The following LMBR1 variants were observed in gnomAD, a reference collection of about 807,000 sequenced individuals.
The protein encoded by LMBR1 is limb region 1 protein homolog.
LMBR1 carries 52 observed loss-of-function variants against 73.9 expected under a neutral mutation model. That is an observed-to-expected ratio of 0.70 (90% CI 0.56 to 0.89). The LOEUF is 0.89. Ranked by LOEUF, LMBR1 falls within the 40% of genes least tolerant of loss-of-function variation. LMBR1 has a pLI of 0.00. For synonymous variants in LMBR1, 215 were observed against 209.4 expected (o/e 1.03, Z -0.23); for missense variants, 539 against 579.8 (o/e 0.93, Z 0.72).
At chr7:156,697,694 T>TTA (rs565913850) in intron 15 of LMBR1, among the ~76,000 whole-genome samples, 24 of 152,240 alleles carry the variant, frequency 1.6e-4, no homozygotes, top group Non-Finnish European at 2.9e-4. Context: ...CAGTCAGACC[T>TTA]TATGGTTGTC....
chr7:156,673,206 T>G (rs112787889), downstream of LMBR1, among the ~76,000 whole-genome samples: 690 of 152,352 alleles, frequency 4.5e-3, 3 homozygotes, highest in Non-Finnish European at 6.0e-3. Flanking sequence ...GACTAGAATG[T>G]GACCCTTTTT....
intron 15 of LMBR1, among the ~76,000 whole-genome samples, chr7:156,716,712 T>C (rs1216919485): frequency 2.6e-5 from 4 of 152,242 alleles, no homozygotes; most frequent in African/African-American, 4.8e-5. Flanking sequence ...TAGAATCTAC[T>C]TCACAAACAC....
At chr7:156,738,542 G>A (rs555721934) in intron 9 of LMBR1, among the ~76,000 whole-genome samples, 2 of 152,230 alleles carry the variant, frequency 1.3e-5, no homozygotes, top group Non-Finnish European at 2.9e-5. Context: ...CCAGGCAGCA[G>A]AGCTCACAGC....
At chr7:156,887,380 C>T (rs1987397) in intron 1 of LMBR1, among the ~76,000 whole-genome samples, 149,309 of 151,310 alleles carry the variant, frequency 0.99, 73,676 homozygotes, top group East Asian at 1. Context: ...GGAGAATTGC[C>T]TGAACCCGGG....
chr7:156,710,062 G>A (rs2132171102), intron 15 of LMBR1, among the ~76,000 whole-genome samples: 1 of 151,886 alleles, frequency 6.6e-6, no homozygotes, highest in East Asian at 1.9e-4. Flanking sequence ...CCGCCACCAT[G>A]CCCGGCTAAT....
At chr7:156,708,033 A>AT (rs1395744271) in intron 15 of LMBR1, among the ~76,000 whole-genome samples, 1 of 145,314 alleles carries the variant, frequency 6.9e-6, no homozygotes, top group East Asian at 2.0e-4. Flanking sequence ...GCATTTCTAT[A>AT]TAAAAAAAAA....
At chr7:156,672,100 C>A (rs1802679478) in intron 4 of LMBR1, among the ~76,000 whole-genome samples, 2 of 152,166 alleles carry the variant, frequency 1.3e-5, no homozygotes, top group African/African-American at 4.8e-5. Context: ...ATTAAAATAT[C>A]CTAAGCATTT....
chr7:156,723,638 AG>A (rs1815087342), intron 15 of LMBR1, among the ~76,000 whole-genome samples: 3 of 152,134 alleles, frequency 2.0e-5, no homozygotes, highest in Admixed American at 2.0e-4. Flanking sequence ...GGAACTCTCA[AG>A]GGTGTCCTTT....
In LMBR1 at chr7:156,679,865, T is replaced by C. The variant is rs1804702923; in HGVS notation, c.*4213A>G. 6.6e-6 allele frequency: 1 copy of C among 152,224 alleles called. No homozygotes were observed. Among genetic ancestry groups the C allele is most frequent in the South Asian group, 2.1e-4 (1 of 4,832 alleles). The allele number at this position is 152,224 out of a possible 1,614,324, so 9.4% of individuals were successfully genotyped here. A position where few individuals can be genotyped will look rare whatever the true frequency, so the allele number is the denominator to read the frequency against. ...AAGAATAATGAGGTTTTGTGTGAAG[T>C]TCCTATTTGATTATAGTTAACCTTG... On this transcript the variant is annotated 3_prime_UTR_variant, in exon 17 of 17. Transcript: ENST00000353442.
chr7:156,861,889 T>C (rs1797771990), intron 1 of LMBR1, among the ~76,000 whole-genome samples: 2 of 152,216 alleles, frequency 1.3e-5, no homozygotes, highest in East Asian at 1.9e-4. Flanking sequence ...CATATCATTA[T>C]CTGCATTTTT....
chr7:156,850,389 A>T (rs1354301518), intron 1 of LMBR1, among the ~76,000 whole-genome samples: 1 of 152,206 alleles, frequency 6.6e-6, no homozygotes, highest in African/African-American at 2.4e-5. Flanking sequence ...GTAGCACAAA[A>T]CAGACTAAGA....
intron 15 of LMBR1, among the ~76,000 whole-genome samples, chr7:156,709,231 G>A (rs1277713316): frequency 6.6e-6 from 1 of 152,158 alleles, no homozygotes; most frequent in African/African-American, 2.4e-5. Flanking sequence ...TGAAAGTGAG[G>A]CCAACCAACT....
chr7:156,764,222 A>G (rs974573171), intron 5 of LMBR1, among the ~76,000 whole-genome samples: 5 of 152,306 alleles, frequency 3.3e-5, no homozygotes, highest in South Asian at 2.1e-4. Context: ...TCTCTCTAGC[A>G]TGGACTCTGG....
chr7:156,686,659 T>C (rs1409610357), intron 16 of LMBR1, among the ~76,000 whole-genome samples: 1 of 152,156 alleles, frequency 6.6e-6, no homozygotes, highest in African/African-American at 2.4e-5. Context: ...TTATATCAGG[T>C]TATGTTTTAT....
intron 15 of LMBR1, among the ~76,000 whole-genome samples, chr7:156,689,569 C>T (rs1806726712): frequency 2.0e-5 from 3 of 152,124 alleles, no homozygotes; most frequent in Admixed American, 2.0e-4. Context: ...AACAGGAGAT[C>T]TCAAAAGTAG....
At chr7:156,694,396 G>C (rs536142855) in intron 15 of LMBR1, among the ~76,000 whole-genome samples, 6 of 151,760 alleles carry the variant, frequency 4.0e-5, no homozygotes, top group South Asian at 2.1e-4. Context: ...ACCTCCCAAA[G>C]TGCTGGGATT....
chr7:156,871,374 A>G (rs552263515), intron 1 of LMBR1, among the ~76,000 whole-genome samples: 4 of 152,360 alleles, frequency 2.6e-5, no homozygotes, highest in African/African-American at 9.6e-5. Context: ...TTAAGGAGCA[A>G]TTAGCACCAA....
At chr7:156,764,869 A>G (rs968386149) in intron 5 of LMBR1, among the ~76,000 whole-genome samples, 2 of 152,196 alleles carry the variant, frequency 1.3e-5, no homozygotes, top group East Asian at 3.8e-4. Flanking sequence ...GCCCTAAATG[A>G]TAACCTCTGA....
At chr7:156,697,382 G>A (rs902701320) in intron 15 of LMBR1, among the ~76,000 whole-genome samples, 3 of 152,270 alleles carry the variant, frequency 2.0e-5, no homozygotes, top group Non-Finnish European at 4.4e-5. Flanking sequence ...AACAGGGTTC[G>A]AGAGCAGAGA....
Sources: allele counts gnomAD v4.1 joint callset (sites outside exome capture counted in the v4.1 genomes callset), GRCh38; gene constraint gnomAD v4.1.1; transcripts MANE v1.5; gene names NCBI Gene and HGNC (gene_info 2026-07-23, HGNC 2026-07-21).